The following ATP10A variants were observed in gnomAD, a reference collection of about 807,000 sequenced individuals.
ATP10A encodes ATPase phospholipid transporting 10A (putative), also known as phospholipid-transporting ATPase VA.
ATP10A carries 111 observed loss-of-function variants against 147.8 expected under a neutral mutation model. That is an observed-to-expected ratio of 0.75 (90% CI 0.64 to 0.88). The LOEUF (loss-of-function observed/expected upper bound fraction) is 0.88. ATP10A is among the 40% of genes least tolerant of loss of function. The probability of loss-of-function intolerance (pLI) is 0.00; values close to 1 mark genes in which losing one functional copy is unlikely to be tolerated. For missense variants in ATP10A, 1,927 were observed against 1,959.0 expected, an observed-to-expected ratio of 0.98 and a Z score of 0.31; for synonymous variants, 875 against 841.6, an observed-to-expected ratio of 1.04 and a Z score of -0.69.
At chr15:25,745,680 A>G (rs1469653770) in intron 2 of ATP10A, among the ~76,000 whole-genome samples, 1 of 152,254 alleles carries the variant, frequency 6.6e-6, no homozygotes, top group Non-Finnish European at 1.5e-5. Context: ...GACTGTATTA[A>G]ATAATAATGT....
intron 1 of ATP10A, among the ~76,000 whole-genome samples, chr15:25,843,756 G>A (rs1892908560): frequency 6.6e-6 from 1 of 152,162 alleles, no homozygotes; most frequent in Non-Finnish European, 1.5e-5. Context: ...TCCCATCTGA[G>A]CTATCTGGGA....
At chr15:25,730,301 C>CAA (rs763070472) in intron 3 of ATP10A, among the ~76,000 whole-genome samples, 5 of 9,156 alleles carry the variant, frequency 5.5e-4, no homozygotes, top group African/African-American at 1.1e-3. Flanking sequence ...GACTCTGTCT[C>CAA]AAAAAAAAAA....
intron 2 of ATP10A, among the ~76,000 whole-genome samples, chr15:25,739,505 G>A (rs904351616): frequency 6.6e-6 from 1 of 152,150 alleles, no homozygotes; most frequent in Non-Finnish European, 1.5e-5. Flanking sequence ...CGGGGTCTCT[G>A]TTGCCCTATA....
At chr15:25,722,373 AACAG>A (rs1349597499) in intron 6 of ATP10A, among the ~76,000 whole-genome samples, 4 of 152,216 alleles carry the variant, frequency 2.6e-5, no homozygotes, top group Non-Finnish European at 4.4e-5. Flanking sequence ...GTGCAAACAC[AACAG>A]ACAGTCTTTT....
intron 2 of ATP10A, among the ~76,000 whole-genome samples, chr15:25,763,158 T>A (rs1888849725): frequency 6.6e-6 from 1 of 152,202 alleles, no homozygotes; most frequent in South Asian, 2.1e-4. Context: ...AAGAAAATAA[T>A]TGCTCCTCCA....
At chr15:25,685,243 A>G (rs554494413) in intron 16 of ATP10A, among the ~76,000 whole-genome samples, 16 of 152,310 alleles carry the variant, frequency 1.1e-4, no homozygotes, top group African/African-American at 3.8e-4. Context: ...CAGGAGGCAG[A>G]GTGATTATCC....
chr15:25,681,257 C>T (rs1370506551), intron 17 of ATP10A, among the ~76,000 whole-genome samples, 183 bp from the exon 18 acceptor site: 2 of 152,114 alleles, frequency 1.3e-5, no homozygotes, highest in Admixed American at 6.6e-5. Context: ...TACCTGATAA[C>T]AAAAATGATC....
At chr15:25,687,615 G>T in intron 16 of ATP10A, 88 bp downstream of exon 16, 1 of 920,740 alleles carries the variant, frequency 1.1e-6, no homozygotes, top group South Asian at 4.2e-5. Context: ...CCTCCCATCT[G>T]CTCCATCCTC....
chr15:25,800,985 T>C (rs1890910899), intron 1 of ATP10A, among the ~76,000 whole-genome samples: 1 of 152,162 alleles, frequency 6.6e-6, no homozygotes, highest in African/African-American at 2.4e-5. Flanking sequence ...TCATGGGGTT[T>C]GGTAAGTCTG....
chr15:25,794,844 T>C (rs1236919308), intron 1 of ATP10A, among the ~76,000 whole-genome samples: 1 of 152,176 alleles, frequency 6.6e-6, no homozygotes, highest in Non-Finnish European at 1.5e-5. Flanking sequence ...ACAAAGGCCA[T>C]TGCAGGGTCA....
At chr15:25,727,849 T>C (rs2034621822) in intron 3 of ATP10A, among the ~76,000 whole-genome samples, 1 of 152,212 alleles carries the variant, frequency 6.6e-6, no homozygotes, top group Admixed American at 6.5e-5. Flanking sequence ...AGAGGGATAG[T>C]CTAAGCTTAA....
intron 2 of ATP10A, among the ~76,000 whole-genome samples, chr15:25,759,801 C>A (rs1450173950): frequency 6.3e-4 from 87 of 138,042 alleles, no homozygotes; most frequent in African/African-American, 6.3e-4. Context: ...GACCCTGTCT[C>A]AAAAAAAAAA....
downstream of ATP10A, among the ~76,000 whole-genome samples, chr15:25,675,077 C>T (rs913280202): frequency 4.6e-5 from 7 of 152,302 alleles, no homozygotes; most frequent in Non-Finnish European, 7.3e-5. Flanking sequence ...GGTGTGCGCA[C>T]GCTGCTCGGG....
intron 1 of ATP10A, among the ~76,000 whole-genome samples, chr15:25,788,942 G>C (rs1048204092): frequency 6.6e-6 from 1 of 152,120 alleles, no homozygotes; most frequent in Admixed American, 6.5e-5. Flanking sequence ...AGATGAAACA[G>C]GTAATGTGTT....
chr15:25,821,513 T>C (rs6576465), intron 1 of ATP10A, among the ~76,000 whole-genome samples: 52,640 of 151,844 alleles, frequency 0.35, 10,391 homozygotes, highest in African/African-American at 0.54. Context: ...AAAGGAAAGA[T>C]CAAATTTAAG....
intron 2 of ATP10A, among the ~76,000 whole-genome samples, chr15:25,770,224 C>T (rs1889264120): frequency 1.3e-5 from 2 of 152,140 alleles, no homozygotes; most frequent in Admixed American, 6.5e-5. Context: ...GGGAGGGGCC[C>T]CACCCATGTT....
upstream of ATP10A, among the ~76,000 whole-genome samples, chr15:25,864,804 T>TCACATC (rs1175185477): frequency 3.9e-5 from 6 of 152,136 alleles, no homozygotes; most frequent in African/African-American, 1.4e-4. Flanking sequence ...TCTTGAGGCC[T>TCACATC]CACATCCCAT....
In ATP10A at chr15:25,726,093, G is replaced by A. The variant is rs776745040; in HGVS notation, c.848-11C>T. The A allele has an allele frequency of 6.8e-6, 11 of 1,611,932 alleles. No homozygotes were observed. The South Asian group carries it at 1.1e-4, about 16-fold the overall frequency. Reference sequence around the variant, plus strand: ...CCTTGGTTTCATGTCCTGTCGGGGAGGACAAAGAGACATGGCAAGTCAGAG... The same window carrying A: ...CCTTGGTTTCATGTCCTGTCGGGGAAGACAAAGAGACATGGCAAGTCAGAG... On this transcript the variant is annotated splice_polypyrimidine_tract_variant and intron_variant, in intron 4 of 20. Transcript: ENST00000555815.
chr15:25,705,463 AAAACAAAAAAAAT>A (rs1900934624), intron 12 of ATP10A, among the ~76,000 whole-genome samples: 1 of 2,986 alleles, frequency 3.3e-4, no homozygotes, highest in Non-Finnish European at 1.5e-3. Context: ...ACAAAAAAAA[AAAACAAAAAAAAT>A]CACCTTCATG....
Sources: allele counts gnomAD v4.1 joint callset (sites outside exome capture counted in the v4.1 genomes callset), GRCh38; gene constraint gnomAD v4.1.1; transcripts MANE v1.5; gene names NCBI Gene and HGNC (gene_info 2026-07-23, HGNC 2026-07-21).